Variants in CRTC1 observed in about 807,000 individuals in gnomAD.
The protein encoded by CRTC1 is CREB regulated transcription coactivator 1.
Under a neutral mutation model 66.1 loss-of-function variants are expected in CRTC1, and 18 were observed. The ratio of observed to expected loss-of-function variants is 0.27; its 90% CI spans 0.19 to 0.40. The LOEUF (loss-of-function observed/expected upper bound fraction) is 0.40, where lower values mean the gene tolerates loss of function less well. Ranked by LOEUF, CRTC1 falls within the 10% of genes least tolerant of loss-of-function variation. The pLI is 1.00. For synonymous variants in CRTC1, 416 were observed against 398.8 expected (o/e 1.04, Z -0.51); for missense variants, 669 against 887.9 (o/e 0.75, Z 3.13).
intron 13 of CRTC1, 84 bp downstream of exon 13, chr19:18,775,905 C>A: frequency 7.1e-7 from 1 of 1,403,854 alleles, no homozygotes; most frequent in Non-Finnish European, 9.5e-7. Context: ...TGTCCCGCAG[C>A]AGGAGGGTTG....
chr19:18,712,293 C>T lies in CRTC1; in HGVS notation c.126+28465C>T, dbSNP rs4808847. 1.3e-3 allele frequency among the ~76,000 whole-genome samples: 192 copies of T among 152,058 alleles called. 3 individuals carry two copies. In the East Asian group the frequency reaches 0.02, roughly 16 times the overall value. On this transcript the variant is annotated intron_variant, in intron 1 of 13. Coordinates refer to ENST00000321949, the MANE Select transcript of CRTC1 (RefSeq NM_015321.3). The stretch of plus-strand genomic sequence containing the variant: ...TTTGTTTTTGAGACAGGAGCTCACT[C>T]CGTTGCCCAGGCTGGAGTTCAGTGG...
chr19:18,692,601 C>CAAA (rs36124401), intron 1 of CRTC1, among the ~76,000 whole-genome samples: 2 of 124,014 alleles, frequency 1.6e-5, no homozygotes, highest in African/African-American at 2.9e-5. Flanking sequence ...AACTCTGTCT[C>CAAA]AAAAAAAAAA....
intron 1 of CRTC1, among the ~76,000 whole-genome samples, chr19:18,729,035 A>G (rs1241060227): frequency 6.9e-6 from 1 of 144,958 alleles, no homozygotes; most frequent in Non-Finnish European, 1.5e-5. Flanking sequence ...CTGGTCTCGA[A>G]CTCCTGACCT....
intron 1 of CRTC1, among the ~76,000 whole-genome samples, chr19:18,687,069 G>C (rs1252498101): frequency 6.9e-6 from 1 of 143,916 alleles, no homozygotes; most frequent in Non-Finnish European, 1.5e-5. Flanking sequence ...AGGCTGGAGT[G>C]CAGTGGCGCA....
chr19:18,708,434 C>G (rs1351325681), intron 1 of CRTC1, among the ~76,000 whole-genome samples: 1 of 152,090 alleles, frequency 6.6e-6, no homozygotes. Flanking sequence ...CGGGGCCACC[C>G]CGGGTTTCTG....
chr19:18,775,833 C>T lies in CRTC1; in HGVS notation c.1693+12C>T. 1.3e-6 allele frequency: 2 copies of T among 1,566,610 alleles called. No homozygotes were observed. The highest frequency in any genetic ancestry group is 1.7e-6 in the Non-Finnish European group (2 of 1,158,438). ...CATCATCCTCACAGGTGAGGCCAGG[C>T]CGGGGGCGCGTGTGCGGCGCCCCAA... On this transcript the variant is annotated intron_variant, in intron 13 of 13. Coordinates refer to ENST00000321949, the MANE Select transcript of CRTC1 (RefSeq NM_015321.3).
At chr19:18,731,126 G>A (rs2053879577) in intron 1 of CRTC1, among the ~76,000 whole-genome samples, 1 of 152,214 alleles carries the variant, frequency 6.6e-6, no homozygotes, top group Non-Finnish European at 1.5e-5. Flanking sequence ...ACAGGTGTGT[G>A]CCAATGTGCT....
At chr19:18,744,086 T>A in intron 2 of CRTC1, 4 of 1,612,722 alleles carry the variant, frequency 2.5e-6, no homozygotes, top group Non-Finnish European at 3.4e-6. Flanking sequence ...CGTCTCAAAG[T>A]CTCGGTTCTT....
At chr19:18,693,513 TC>T (rs1239856126) in intron 1 of CRTC1, among the ~76,000 whole-genome samples, 2 of 147,652 alleles carry the variant, frequency 1.4e-5, no homozygotes, top group Non-Finnish European at 3.0e-5. Flanking sequence ...ACAGAGTTTC[TC>T]TCTGTCGCCC....
intron 3 of CRTC1, among the ~76,000 whole-genome samples, chr19:18,746,329 C>T (rs1462693868): frequency 6.6e-6 from 1 of 152,186 alleles, no homozygotes; most frequent in Non-Finnish European, 1.5e-5. Context: ...GAGGCCTCTC[C>T]TACGCGCTGC....
chr19:18,719,504 A>G (rs897948130), intron 1 of CRTC1, among the ~76,000 whole-genome samples: 2 of 152,242 alleles, frequency 1.3e-5, no homozygotes, highest in Non-Finnish European at 2.9e-5. Context: ...ATGTAACTCC[A>G]TAGTCAAGCT....
chr19:18,731,936 C>T (rs2053899505), intron 1 of CRTC1, among the ~76,000 whole-genome samples: 2 of 152,212 alleles, frequency 1.3e-5, no homozygotes, highest in South Asian at 4.1e-4. Flanking sequence ...CCCGGGGGCT[C>T]CTGCAGGGAG....
chr19:18,764,115 G>T (rs2054675133), intron 8 of CRTC1, among the ~76,000 whole-genome samples: 1 of 152,198 alleles, frequency 6.6e-6, no homozygotes, highest in Admixed American at 6.5e-5. Flanking sequence ...GCTCGCCCCG[G>T]TGAGCAGCTG....
chr19:18,686,863 A>G (rs550064437), intron 1 of CRTC1, among the ~76,000 whole-genome samples: 36 of 152,064 alleles, frequency 2.4e-4, no homozygotes, highest in Non-Finnish European at 4.3e-4. Flanking sequence ...GTCTGGAGAC[A>G]TTTTGGGTCA....
At chr19:18,749,338 T>A (rs983230697) in intron 4 of CRTC1, among the ~76,000 whole-genome samples, 6 of 152,204 alleles carry the variant, frequency 3.9e-5, no homozygotes, top group African/African-American at 1.4e-4. Flanking sequence ...ATTGTGTTTG[T>A]CACCAAGAGG....
rs2055026267 is a variant in CRTC1, at chr19:18,777,739, G to A, written c.*357G>A. 2.8e-6 allele frequency: 1 copy of A among 357,126 alleles called. No homozygotes were observed. The highest frequency in any genetic ancestry group is 5.2e-6 in the Non-Finnish European group (1 of 193,480). 22.1% of individuals were successfully genotyped at this position (357,126 alleles called of 1,614,324 possible). On this transcript the variant is annotated 3_prime_UTR_variant, in exon 14 of 14. Coordinates refer to ENST00000321949, the MANE Select transcript of CRTC1 (RefSeq NM_015321.3). The surrounding 1 kb of genome is among the most constrained non-coding windows in gnomAD (Gnocchi z 5.5). The stretch of plus-strand genomic sequence containing the variant: ...GCTCCCGGCGTGGCGGGCAGGCTCA[G>A]GGGAGGGGCGCGCATGGTCCGCCAG...
At chr19:18,770,086 G>A (rs1371568204) in intron 10 of CRTC1, among the ~76,000 whole-genome samples, 1 of 151,910 alleles carries the variant, frequency 6.6e-6, no homozygotes, top group East Asian at 1.9e-4. Context: ...AGGACATGGG[G>A]GAGACAGCAA....
intron 1 of CRTC1, among the ~76,000 whole-genome samples, chr19:18,725,567 C>T (rs2053731675): frequency 6.6e-6 from 1 of 152,164 alleles, no homozygotes; most frequent in Non-Finnish European, 1.5e-5. Context: ...AGACCTGTGG[C>T]TATGCGTGCT....
At chr19:18,717,700 T>G (rs1600828291) in intron 1 of CRTC1, among the ~76,000 whole-genome samples, 3 of 151,368 alleles carry the variant, frequency 2.0e-5, no homozygotes, top group African/African-American at 2.4e-5. Context: ...GAGAGGAGGG[T>G]GCAGGGTTCC....
Sources: gnomAD v4.1 joint callset for allele counts (sites outside exome capture counted in the v4.1 genomes callset) on GRCh38, gnomAD v4.1.1 for gene constraint, Gnocchi (gnomAD v3.1) non-coding constraint, MANE v1.5 for transcripts, NCBI Gene and HGNC (gene_info 2026-07-23, HGNC 2026-07-21) for gene names.